MT1H: variants seen among roughly 807,000 people sequenced by gnomAD.
MT1H encodes metallothionein 1H.
MT1H carries 8 observed loss-of-function variants against 8.7 expected under a neutral mutation model. The observed-to-expected ratio is 0.92, with a 90% confidence interval of 0.54 to 1.66. The LOEUF is 1.66. MT1H is among the 40% of genes most tolerant of loss of function. The probability of loss-of-function intolerance (pLI) is 0.00; values close to 1 mark genes in which losing one functional copy is unlikely to be tolerated. For synonymous variants in MT1H, 32 were observed against 28.9 expected, an observed-to-expected ratio of 1.11 and a Z score of -0.34; for missense variants, 84 against 75.2, an observed-to-expected ratio of 1.12 and a Z score of -0.43.
rs1960847671 is a variant in MT1H, at chr16:56,669,852, C to T, written c.-33C>T. 1 of 1,614,050 alleles carries T rather than the reference C, an allele frequency of 6.2e-7. No individual in the cohort carries two copies. The highest frequency in any genetic ancestry group is 1.7e-5 in the Admixed American group (1 of 60,006). Reference sequence around the variant, plus strand: ...CGTGTTCCACTGCCTCTTCTCTTCTCGCTTGGGAACTCCAGTCTCACCTCG... The same window carrying T: ...CGTGTTCCACTGCCTCTTCTCTTCTTGCTTGGGAACTCCAGTCTCACCTCG... On this transcript the variant is annotated 5_prime_UTR_variant, in exon 1 of 3. Coordinates refer to ENST00000332374, the MANE Select transcript of MT1H (RefSeq NM_005951.2).
chr16:56,669,977 T>C (rs924916973), intron 1 of MT1H, 65 bp downstream of exon 1: 3 of 1,607,986 alleles, frequency 1.9e-6, no homozygotes, highest in Non-Finnish European at 2.6e-6. Context: ...AGAGTGTCCC[T>C]GGGTTTGAGG....
chr16:56,670,782 C>A, intron 2 of MT1H, 116 bp from the exon 3 acceptor site: 1 of 1,538,524 alleles, frequency 6.5e-7, no homozygotes, highest in Non-Finnish European at 9.0e-7. Context: ...AAAAGCTGTG[C>A]CATCCTGAAC....
Position 56,669,837 on chromosome 16 carries a change from T to G in MT1H, c.-48T>G. On this transcript the variant is annotated 5_prime_UTR_variant, in exon 1 of 3. Coordinates refer to ENST00000332374, the MANE Select transcript of MT1H (RefSeq NM_005951.2). Reference sequence around the variant, plus strand: ...CCACCACGCCCTCCACGTGTTCCACTGCCTCTTCTCTTCTCGCTTGGGAAC... The same window carrying G: ...CCACCACGCCCTCCACGTGTTCCACGGCCTCTTCTCTTCTCGCTTGGGAAC... 2 of 1,614,048 alleles carry G rather than the reference T, an allele frequency of 1.2e-6. No individual in the cohort carries two copies. The highest frequency in any genetic ancestry group is 4.5e-5 in the East Asian group (2 of 44,876).
rs1960855353 is a variant in MT1H at position 56,670,396 on chromosome 16, G to A, written c.29-110G>A. ...TCTTCTTCTGCTGAGTGGGAAAGGA[G>A]CTCTGACGGCTGGCCCTGAACAGAG... On this transcript the variant is annotated intron_variant, in intron 1 of 2. Coordinates refer to ENST00000332374, the MANE Select transcript of MT1H (RefSeq NM_005951.2). The A allele has an allele frequency of 4.7e-6, 7 of 1,504,884 alleles. No homozygotes were observed. In the Admixed American group the frequency reaches 5.3e-5, roughly 11 times the overall value. The allele number at this position is 1,504,884 out of a possible 1,614,324, so 93.2% of individuals were successfully genotyped here. A position where few individuals can be genotyped will look rare whatever the true frequency, so the allele number is the denominator to read the frequency against.
At position 56,671,003 on chromosome 16, in the gene MT1H, C is replaced by T; in HGVS notation, c.*14C>T. The T allele has an allele frequency of 1.9e-6, 3 of 1,610,752 alleles. No individual in the cohort carries two copies. The highest frequency in any genetic ancestry group is 2.5e-6 in the Non-Finnish European group (3 of 1,179,180). On this transcript the variant is annotated 3_prime_UTR_variant, in exon 3 of 3. Transcript: ENST00000332374. Reference sequence around the variant, plus strand: ...TGCTGTGCCTGATGTCGGGACAGCCCTGCTGTCAGATGAAAACAGAATGAC... The same window carrying T: ...TGCTGTGCCTGATGTCGGGACAGCCTTGCTGTCAGATGAAAACAGAATGAC...
rs746222241 is a variant in MT1H, at chr16:56,670,530, C to A, written c.53C>A (p.Ser18Tyr). The A allele has an allele frequency of 6.2e-7, 1 of 1,614,126 alleles. No homozygotes were observed. Among genetic ancestry groups the A allele is most frequent in the African/African-American group, 1.3e-5 (1 of 74,942 alleles). The stretch of plus-strand genomic sequence containing the variant: ...GGTGGCTCCTGCGCCTGCGCCGGCT[C>A]CTGCAAGTGCAAAAAGTGCAAATGC... ...EAGGSCACAG[S>Y]CKCKKCKCTS... is the part of the protein sequence containing the mutation. The change falls in exon 2 of 3, where the codon TCC becomes TAC. Residue 18 changes from serine (S) to tyrosine (Y), a missense_variant. Physicochemically the swap from Ser to Tyr is moderately radical, Grantham distance 144. Transcript: ENST00000332374.
At chr16:56,670,028 C>A in intron 1 of MT1H, 116 bp downstream of exon 1, 1 of 1,386,498 alleles carries the variant, frequency 7.2e-7, no homozygotes, top group Non-Finnish European at 1.0e-6. Flanking sequence ...GACTTCTTTA[C>A]TTCCTCCGCT....
At chr16:56,670,213 G>GCATGGGAA (rs1597081333) in intron 1 of MT1H, among the ~76,000 whole-genome samples, 2 of 152,130 alleles carry the variant, frequency 1.3e-5, no homozygotes, top group East Asian at 3.9e-4. Context: ...TTGGATGGGA[G>GCATGGGAA]GCATTGGATA....
intron 2 of MT1H, 151 bp from the exon 3 acceptor site, chr16:56,670,747 C>A: frequency 1.3e-6 from 2 of 1,483,030 alleles, no homozygotes; most frequent in Non-Finnish European, 9.3e-7. Flanking sequence ...AAGACTCACC[C>A]CAATATCCAC....
In MT1H at chr16:56,671,030, C is replaced by T. The variant is rs374292185; in HGVS notation, c.*41C>T. The T allele has an allele frequency of 2.7e-5, 43 of 1,587,160 alleles. No homozygotes were observed. In the Middle Eastern group the frequency reaches 6.7e-4, roughly 25 times the overall value. ...GCTGTCAGATGAAAACAGAATGACA[C>T]GTAAAATCCAGGATTTTTTTTTTCT... is the stretch of plus-strand genomic sequence containing the variant. On this transcript the variant is annotated 3_prime_UTR_variant, in exon 3 of 3. Coordinates refer to ENST00000332374, the MANE Select transcript of MT1H (RefSeq NM_005951.2).
rs190580826 is a variant in MT1H, at chr16:56,670,886, C to T, written c.95-12C>T. The stretch of plus-strand genomic sequence containing the variant: ...CAAGTCTGCTGTGACTTCTCTCTCC[C>T]TTTTTCCCCAGGCTGCTGCTCCTGT... On this transcript the variant is annotated splice_polypyrimidine_tract_variant and intron_variant, in intron 2 of 2. Coordinates refer to ENST00000332374, the MANE Select transcript of MT1H (RefSeq NM_005951.2). The T allele has an allele frequency of 1.7e-3, 2,749 of 1,613,852 alleles. 8 individuals are homozygous for T. The highest frequency in any genetic ancestry group is 0.015 in the African/African-American group (1,132 of 75,042).
chr16:56,670,044 C>A, intron 1 of MT1H, 132 bp downstream of exon 1: 1 of 1,292,792 alleles, frequency 7.7e-7, no homozygotes, highest in Non-Finnish European at 1.1e-6. Context: ...CCGCTGCTTT[C>A]CTCTTGGCCA....
At position 56,670,579 on chromosome 16, in the gene MT1H, C is replaced by CGG. The variant is rs767749597; in HGVS notation, c.94+11_94+12dup. 6.2e-7 allele frequency: 1 copy of CGG among 1,614,122 alleles called. No individual in the cohort carries two copies. The highest frequency in any genetic ancestry group is 1.3e-5 in the African/African-American group (1 of 74,942). The stretch of plus-strand genomic sequence containing the variant: ...GCACCTCCTGCAAGAAGAGTGAGTG[C>CGG]GGGGCCATCTCCAGGAATCTGGGGC... On this transcript the variant is annotated intron_variant, in intron 2 of 2. Transcript: ENST00000332374.
At chr16:56,669,960 A>G in intron 1 of MT1H, 48 bp downstream of exon 1, 1 of 1,612,930 alleles carries the variant, frequency 6.2e-7, no homozygotes, top group African/African-American at 1.3e-5. Context: ...ATTCCCAGAC[A>G]CCATAGAGAG....
In MT1H at chr16:56,670,724, A is replaced by G. The variant is rs181133030; in HGVS notation, c.94+153A>G. On this transcript the variant is annotated intron_variant, in intron 2 of 2. Transcript: ENST00000332374. ...GTCCAGGGCTCCTGTGGGGCTGGGC[A>G]GTCTCTCATAGGAAGACTCACCCCA... The G allele has an allele frequency of 4.0e-3, 6,089 of 1,511,452 alleles. 21 individuals are homozygous for G. Among genetic ancestry groups the G allele is most frequent in the Non-Finnish European group, 5.0e-3 (5,529 of 1,100,112 alleles). 93.6% of individuals were successfully genotyped at this position (1,511,452 alleles called of 1,614,324 possible).
Position 56,670,491 on chromosome 16 carries a change from T to C in MT1H, c.29-15T>C, listed in dbSNP as rs781637112. The stretch of plus-strand genomic sequence containing the variant: ...ATCTCACTCACAACACACTGGCTTT[T>C]TCTATTCCTTGCAGGTGGCTCCTGC... On this transcript the variant is annotated splice_polypyrimidine_tract_variant and intron_variant, in intron 1 of 2. Transcript: ENST00000332374. 1 of 1,613,936 alleles carries C rather than the reference T, an allele frequency of 6.2e-7. No individual in the cohort carries two copies. Among genetic ancestry groups the C allele is most frequent in the South Asian group, 1.1e-5 (1 of 91,096 alleles).
chr16:56,670,437 A>T (rs1471051652), intron 1 of MT1H, 69 bp from the exon 2 acceptor site: 8 of 1,605,858 alleles, frequency 5.0e-6, no homozygotes, highest in Non-Finnish European at 6.8e-6. Flanking sequence ...GGAAGTGGAC[A>T]CTCATTGACC....
rs755821773 is a variant in MT1H, at chr16:56,670,615, GT to G, written c.94+46del. ...CCAGGAATCTGGGGCTGTGGCTAAGGTTGGGAGGGAACCCAAGGCTGGCCCT... is the reference window on the plus strand; with the variant it reads ...CCAGGAATCTGGGGCTGTGGCTAAGGTGGGAGGGAACCCAAGGCTGGCCCT... On this transcript the variant is annotated intron_variant, in intron 2 of 2. Coordinates refer to ENST00000332374, the MANE Select transcript of MT1H (RefSeq NM_005951.2). 2.5e-6 allele frequency: 4 copies of G among 1,614,238 alleles called. No individual in the cohort carries two copies. The South Asian group carries it at 4.4e-5, about 18-fold the overall frequency.
At chr16:56,669,936 C>T (rs2144354535) in intron 1 of MT1H, 24 bp downstream of exon 1, 1 of 1,613,840 alleles carries the variant, frequency 6.2e-7, no homozygotes, top group East Asian at 2.2e-5. Context: ...GGGTTCTGTG[C>T]CTTAGGATGC....
Sources: gnomAD v4.1 joint callset for allele counts (sites outside exome capture counted in the v4.1 genomes callset) on GRCh38, gnomAD v4.1.1 for gene constraint, MANE v1.5 for transcripts, NCBI Gene and HGNC (gene_info 2026-07-23, HGNC 2026-07-21) for gene names.